The following GPHN variants were observed in gnomAD, a reference collection of about 807,000 sequenced individuals.
GPHN encodes gephyrin.
GPHN carries 17 observed loss-of-function variants against 95.5 expected under a neutral mutation model. The observed-to-expected ratio is 0.18, with a 90% CI of 0.12 to 0.27. The LOEUF (loss-of-function observed/expected upper bound fraction) is 0.27. GPHN is among the 10% of genes least tolerant of loss of function. The probability of loss-of-function intolerance (pLI) is 1.00; values close to 1 mark genes in which losing one functional copy is unlikely to be tolerated. For synonymous variants in GPHN, 320 were observed against 322.5 expected (o/e 0.99, Z 0.08); for missense variants, 660 against 978.1 (o/e 0.67, Z 4.34).
chr14:66,885,882 T>C (rs1228902070), intron 5 of GPHN, among the ~76,000 whole-genome samples: 1 of 147,756 alleles, frequency 6.8e-6, no homozygotes, highest in Non-Finnish European at 1.5e-5. Context: ...GAGAAGCTGA[T>C]TTCTAGAATT....
intron 1 of GPHN, among the ~76,000 whole-genome samples, chr14:66,525,772 G>C (rs972575906): frequency 6.6e-6 from 1 of 152,032 alleles, no homozygotes; most frequent in Non-Finnish European, 1.5e-5. Context: ...TTTTTGTCAG[G>C]TTTGTCAAAA....
chr14:66,535,659 T>C (rs2059118125), intron 1 of GPHN, among the ~76,000 whole-genome samples: 1 of 152,154 alleles, frequency 6.6e-6, no homozygotes. Context: ...TGGTTTACAA[T>C]GTAGAGGTTT....
chr14:67,623,970 A>G, the GPHN span, among the ~76,000 whole-genome samples: 2 of 152,162 alleles, frequency 1.3e-5, no homozygotes, highest in African/African-American at 2.4e-5. Context: ...CCTCTTGAGT[A>G]GCTGGGACTA....
At chr14:67,435,788 C>G in the GPHN span, among the ~76,000 whole-genome samples, 1 of 152,178 alleles carries the variant, frequency 6.6e-6, no homozygotes, top group Non-Finnish European at 1.5e-5. Context: ...GCCTCCCATC[C>G]CATAAGCATC....
At chr14:67,312,785 C>T in the GPHN span, 1 of 1,183,376 alleles carries the variant, frequency 8.5e-7, no homozygotes, top group African/African-American at 1.6e-5. Flanking sequence ...AAGAAAAACT[C>T]ACTCTTTCAT....
At chr14:67,358,873 C>T in the GPHN span, among the ~76,000 whole-genome samples, 1 of 152,208 alleles carries the variant, frequency 6.6e-6, no homozygotes, top group Non-Finnish European at 1.5e-5. Flanking sequence ...CAGCCCACAA[C>T]TGAGCGTATT....
chr14:66,971,739 G>C (rs1249547509), intron 9 of GPHN, among the ~76,000 whole-genome samples: 1 of 152,044 alleles, frequency 6.6e-6, no homozygotes, highest in Non-Finnish European at 1.5e-5. Context: ...AAAATCCATT[G>C]GTCTGTCTTG....
the GPHN span, among the ~76,000 whole-genome samples, chr14:67,719,266 T>G: frequency 3.3e-5 from 5 of 152,224 alleles, no homozygotes; most frequent in Admixed American, 6.5e-5. Flanking sequence ...TCCCTTTCAA[T>G]GTCAGTATTA....
rs540032053 is a variant in GPHN, at chr14:66,943,493, C to A, written c.828+19201C>A. Among the ~76,000 whole-genome samples, 5 of 152,222 alleles carry A rather than the reference C, an allele frequency of 3.3e-5. No individual in the cohort carries two copies. The East Asian group carries it at 7.7e-4, about 23-fold the overall frequency. ...CAAATAGTTCTTTAAACCCAAAAAG[C>A]AGTTTATAAACTTAAAACATTTAGC... On this transcript the variant is annotated intron_variant, in intron 8 of 22. Coordinates refer to ENST00000478722, the MANE Select transcript of GPHN (RefSeq NM_020806.5).
intron 11 of GPHN, among the ~76,000 whole-genome samples, chr14:67,070,715 A>AAAAAAAT: frequency 1.2e-5 from 1 of 80,704 alleles, no homozygotes; most frequent in African/African-American, 1.3e-4. Flanking sequence ...AAAAAAAAAA[A>AAAAAAAT]ATATATATAT....
chr14:66,948,944 C>A (rs982515492), intron 8 of GPHN, among the ~76,000 whole-genome samples: 12 of 152,118 alleles, frequency 7.9e-5, no homozygotes, highest in African/African-American at 2.9e-4. Flanking sequence ...AGCACAGGGA[C>A]AGTTTTTTCT....
chr14:66,782,983 G>C (rs1386588712), intron 3 of GPHN, among the ~76,000 whole-genome samples: 1 of 152,112 alleles, frequency 6.6e-6, no homozygotes, highest in African/African-American at 2.4e-5. Context: ...ATTATCTCCT[G>C]TATATTCTGG....
intron 8 of GPHN, among the ~76,000 whole-genome samples, chr14:66,958,712 G>T (rs1034473632): frequency 1.3e-5 from 2 of 152,130 alleles, no homozygotes; most frequent in Admixed American, 6.5e-5. Context: ...TGGGACCACT[G>T]TTGTATGTGT....
At chr14:66,720,814 A>C (rs191193953) in intron 2 of GPHN, among the ~76,000 whole-genome samples, 1 of 152,316 alleles carries the variant, frequency 6.6e-6, no homozygotes, top group Non-Finnish European at 1.5e-5. Flanking sequence ...GCAGTGAGCT[A>C]TGATCACACC....
At chr14:67,362,569 T>G in the GPHN span, among the ~76,000 whole-genome samples, 3 of 152,118 alleles carry the variant, frequency 2.0e-5, no homozygotes, top group Non-Finnish European at 4.4e-5. Flanking sequence ...AAGCAGCCAC[T>G]TCTAGTAAGT....
chr14:67,412,155 G>T, the GPHN span: 2 of 1,104,476 alleles, frequency 1.8e-6, no homozygotes, highest in Non-Finnish European at 2.4e-6. Flanking sequence ...CGCCCACGGC[G>T]CCCAGGAAGC....
chr14:66,955,693 A>AT (rs1332289089), intron 8 of GPHN, among the ~76,000 whole-genome samples: 2 of 151,980 alleles, frequency 1.3e-5, no homozygotes, highest in Non-Finnish European at 2.9e-5. Flanking sequence ...TCCTAATGCT[A>AT]TCCCTCCCCC....
chr14:67,095,644 T>C (rs2077336226), intron 12 of GPHN, among the ~76,000 whole-genome samples: 1 of 151,870 alleles, frequency 6.6e-6, no homozygotes, highest in South Asian at 2.1e-4. Flanking sequence ...ATGGATGAAA[T>C]TGGAAATCAT....
chr14:67,532,058 C>T, the GPHN span, among the ~76,000 whole-genome samples: 1 of 152,100 alleles, frequency 6.6e-6, no homozygotes. Context: ...GCTAATCTAT[C>T]CCAATCCCCA....
Sources: gnomAD v4.1 joint callset for allele counts (sites outside exome capture counted in the v4.1 genomes callset) on GRCh38, gnomAD v4.1.1 for gene constraint, MANE v1.5 for transcripts, NCBI Gene and HGNC (gene_info 2026-07-23, HGNC 2026-07-21) for gene names.